The following RPIA variants were observed in gnomAD, a reference collection of about 807,000 sequenced individuals.
RPIA encodes the protein ribose-5-phosphate isomerase.
Under a neutral mutation model 37.8 loss-of-function variants are expected in RPIA, and 29 were observed. The ratio of observed to expected loss-of-function variants is 0.77; its 90% CI spans 0.57 to 1.05. The LOEUF is 1.05. Ranked by LOEUF, RPIA falls within the 50% of genes least tolerant of loss-of-function variation. The pLI, the probability that RPIA is intolerant of heterozygous loss-of-function variation, is 0.00. For synonymous variants in RPIA, 167 were observed against 157.0 expected, an observed-to-expected ratio of 1.06 and a Z score of -0.48; for missense variants, 385 against 413.6, an observed-to-expected ratio of 0.93 and a Z score of 0.60.
Position 88,698,473 on chromosome 2 carries a change from T to G in RPIA, c.286-11T>G, listed in dbSNP as rs1430746060. On this transcript the variant is annotated splice_polypyrimidine_tract_variant and intron_variant, in intron 1 of 8. Transcript: ENST00000283646. The stretch of plus-strand genomic sequence containing the variant: ...AATAAGTTTTGTTTTTTCTTCCCCG[T>G]TTTTTGGCAGAATAACCAAGTGCTG... The G allele has an allele frequency of 6.2e-7, 1 of 1,613,284 alleles. No individual in the cohort carries two copies. Among genetic ancestry groups the G allele is most frequent in the South Asian group, 1.1e-5 (1 of 91,068 alleles).
chr2:88,698,111 T>C (rs1462251511), intron 1 of RPIA, among the ~76,000 whole-genome samples: 1 of 151,502 alleles, frequency 6.6e-6, no homozygotes, highest in African/African-American at 2.4e-5. Context: ...AAACACACTG[T>C]TGCTGGCTTG....
Position 88,750,619 on chromosome 2 carries a change from G to A in RPIA, c.*541G>A. 1 of 405,330 alleles carries A rather than the reference G, an allele frequency of 2.5e-6. No homozygotes were observed. Among genetic ancestry groups the A allele is most frequent in the Non-Finnish European group, 4.4e-6 (1 of 229,496 alleles). The allele number at this position is 405,330 out of a possible 1,614,324, so 25.1% of individuals were successfully genotyped here. A position where few individuals can be genotyped will look rare whatever the true frequency, so the allele number is the denominator to read the frequency against. On this transcript the variant is annotated 3_prime_UTR_variant, in exon 9 of 9. Transcript: ENST00000283646. ...ATCTTAAGATCAGGTTTATAAAACT[G>A]TGGAGTGGAGCGGTATGGTATGGAA...
intron 8 of RPIA, among the ~76,000 whole-genome samples, chr2:88,745,621 T>G (rs1410327090): frequency 6.6e-6 from 1 of 152,214 alleles, no homozygotes; most frequent in Non-Finnish European, 1.5e-5. Flanking sequence ...CCCTTCTGGC[T>G]TGTAGGGCTT....
At chr2:88,729,461 T>G (rs1673239613) in intron 4 of RPIA, 124 bp downstream of exon 4, 1 of 978,664 alleles carries the variant, frequency 1.0e-6, no homozygotes, top group Non-Finnish European at 1.6e-6. Context: ...TTGTACCAAG[T>G]TTTCTCCTGG....
chr2:88,747,762 T>C (rs1673456424), intron 8 of RPIA, among the ~76,000 whole-genome samples: 1 of 152,240 alleles, frequency 6.6e-6, no homozygotes, highest in Non-Finnish European at 1.5e-5. Context: ...GGTGGGGATG[T>C]ATGTTCAGAG....
chr2:88,698,640 C>T (rs1672788966), intron 2 of RPIA, 96 bp downstream of exon 2: 2 of 1,131,800 alleles, frequency 1.8e-6, no homozygotes, highest in Non-Finnish European at 2.7e-6. Flanking sequence ...TTGGCATTGC[C>T]CTTTTGGCTT....
chr2:88,739,556 T>C (rs1007183995), intron 8 of RPIA, among the ~76,000 whole-genome samples: 4 of 152,214 alleles, frequency 2.6e-5, no homozygotes, highest in Admixed American at 1.3e-4. Flanking sequence ...CCTGTGCTAG[T>C]TGGGATTTAA....
chr2:88,693,251 C>T (rs912768223), intron 1 of RPIA, among the ~76,000 whole-genome samples: 5 of 152,126 alleles, frequency 3.3e-5, no homozygotes, highest in Admixed American at 6.5e-5. Flanking sequence ...TATTTGGTGG[C>T]GCATCTCCCT....
rs370830974 is a variant in RPIA at position 88,740,221 on chromosome 2, A to G, written c.838+2145A>G. On this transcript the variant is annotated intron_variant, in intron 8 of 8. Transcript: ENST00000283646. ...AGGTGTCACTCTTGCTCCTGGTTAG[A>G]CCTTGGCTGCTTAAGGTTCTGAAAT... Among the ~76,000 whole-genome samples, 255 of 152,242 alleles carry G rather than the reference A, an allele frequency of 1.7e-3. 13 individuals carry two copies. In the South Asian group the frequency reaches 0.049, roughly 29 times the overall value.
At chr2:88,733,855 T>C (rs1226181697) in intron 4 of RPIA, among the ~76,000 whole-genome samples, 1 of 152,164 alleles carries the variant, frequency 6.6e-6, no homozygotes, top group Non-Finnish European at 1.5e-5. Flanking sequence ...TGATTTTGAT[T>C]TTTAAAAGCT....
At chr2:88,721,571 ACCCCCC>A (rs1156741297) in intron 3 of RPIA, among the ~76,000 whole-genome samples, 5 of 22,984 alleles carry the variant, frequency 2.2e-4, no homozygotes, top group African/African-American at 8.4e-4. Flanking sequence ...ACACACACAC[ACCCCCC>A]CCCCCACATG....
intron 3 of RPIA, among the ~76,000 whole-genome samples, chr2:88,712,274 G>A (rs1020722475): frequency 2.0e-5 from 3 of 152,182 alleles, no homozygotes; most frequent in African/African-American, 2.4e-5. Flanking sequence ...TGCTTCATCT[G>A]ATAGGCAAGA....
At chr2:88,744,342 A>G (rs1179343604) in intron 8 of RPIA, among the ~76,000 whole-genome samples, 2 of 152,148 alleles carry the variant, frequency 1.3e-5, no homozygotes, top group African/African-American at 4.8e-5. Context: ...TTGATTTCCA[A>G]TTTTATTCCA....
At chr2:88,728,223 C>A (rs1024001830) in intron 3 of RPIA, among the ~76,000 whole-genome samples, 1 of 152,064 alleles carries the variant, frequency 6.6e-6, no homozygotes, top group Non-Finnish European at 1.5e-5. Flanking sequence ...ATTGTCTTAT[C>A]CTTTAAAAGT....
intron 3 of RPIA, among the ~76,000 whole-genome samples, chr2:88,728,558 G>C (rs1162670783): frequency 2.0e-5 from 3 of 152,130 alleles, no homozygotes; most frequent in Admixed American, 6.5e-5. Flanking sequence ...CACATCACTG[G>C]GACTTGGGCA....
intron 8 of RPIA, among the ~76,000 whole-genome samples, chr2:88,746,664 G>A (rs1328923153): frequency 6.6e-6 from 1 of 152,200 alleles, no homozygotes; most frequent in Non-Finnish European, 1.5e-5. Context: ...GGAGGTGGCA[G>A]GAGAGTGAAG....
chr2:88,692,608 A>G (rs889043633), intron 1 of RPIA, among the ~76,000 whole-genome samples: 1 of 152,020 alleles, frequency 6.6e-6, no homozygotes, highest in Non-Finnish European at 1.5e-5. Flanking sequence ...CGTGGTCCCT[A>G]CTTGTTTGTT....
intron 3 of RPIA, among the ~76,000 whole-genome samples, chr2:88,702,362 T>G (rs1255381114): frequency 6.6e-6 from 1 of 150,446 alleles, no homozygotes; most frequent in Non-Finnish European, 1.5e-5. Context: ...ATTTTCATGC[T>G]GCTGATAAAG....
At chr2:88,745,845 T>C (rs1323550765) in intron 8 of RPIA, among the ~76,000 whole-genome samples, 1 of 152,218 alleles carries the variant, frequency 6.6e-6, no homozygotes, top group Admixed American at 6.5e-5. Flanking sequence ...AGGAAAGTTT[T>C]CCTCAATTAT....
Sources: allele counts gnomAD v4.1 joint callset (sites outside exome capture counted in the v4.1 genomes callset), GRCh38; gene constraint gnomAD v4.1.1; transcripts MANE v1.5; gene names NCBI Gene and HGNC (gene_info 2026-07-23, HGNC 2026-07-21).